The following UBTD1 variants were observed in gnomAD, a reference collection of about 807,000 sequenced individuals.
UBTD1 encodes the protein ubiquitin domain-containing protein 1.
In UBTD1, 19 loss-of-function variants were observed where a neutral mutation model predicts 21.7. That is an observed-to-expected ratio of 0.87 (90% CI 0.61 to 1.28). The LOEUF (loss-of-function observed/expected upper bound fraction) is 1.28, where lower values mean the gene tolerates loss of function less well. Among genes scored for constraint, UBTD1 ranks in the 50% most tolerant of loss-of-function variants. UBTD1 has a pLI of 0.00. For missense variants in UBTD1, 282 were observed against 315.1 expected (o/e 0.89, Z 0.80); for synonymous variants, 116 against 135.1 (o/e 0.86, Z 0.98).
intron 1 of UBTD1, among the ~76,000 whole-genome samples, chr10:97,561,587 A>G (rs1392870089): frequency 6.6e-6 from 1 of 152,146 alleles, no homozygotes; most frequent in Non-Finnish European, 1.5e-5. Context: ...GAGTTTCACG[A>G]TGTTCTTCTA....
intron 1 of UBTD1, among the ~76,000 whole-genome samples, chr10:97,561,567 A>C (rs1339291424): frequency 1.3e-5 from 2 of 152,164 alleles, no homozygotes; most frequent in East Asian, 3.9e-4. Flanking sequence ...GAGAAAGAGA[A>C]CAGGGCAGAG....
intron 1 of UBTD1, among the ~76,000 whole-genome samples, chr10:97,504,579 T>C (rs546343017): frequency 1.3e-5 from 2 of 152,344 alleles, no homozygotes; most frequent in South Asian, 4.1e-4. Context: ...CCTTTCCTGT[T>C]TTATTTTGTT....
chr10:97,560,694 G>T (rs943080144), intron 1 of UBTD1, among the ~76,000 whole-genome samples: 5 of 151,972 alleles, frequency 3.3e-5, no homozygotes, highest in Non-Finnish European at 7.4e-5. Context: ...AGTTTTCCTG[G>T]TGTCACAGTA....
intron 1 of UBTD1, among the ~76,000 whole-genome samples, chr10:97,536,269 G>A (rs1166193785): frequency 1.3e-5 from 2 of 152,176 alleles, no homozygotes; most frequent in Admixed American, 6.5e-5. Flanking sequence ...TGGGATTACA[G>A]GTGAGAGCCA....
chr10:97,516,752 CAGAGTGAGACTCTGTCTCAAAAAAAAAAA>C (rs1318101932), intron 1 of UBTD1, among the ~76,000 whole-genome samples: 1 of 151,606 alleles, frequency 6.6e-6, no homozygotes, highest in Non-Finnish European at 1.5e-5. Flanking sequence ...GCCTGGGCAA[CAGAGTGAGACTCTGTCTCAAAAAAAAAAA>C]AGAAACCCAT....
intron 1 of UBTD1, among the ~76,000 whole-genome samples, chr10:97,550,768 G>A (rs2040633402): frequency 6.6e-6 from 1 of 152,160 alleles, no homozygotes; most frequent in Admixed American, 6.5e-5. Flanking sequence ...CACACTCATA[G>A]ATGCACACCA....
Position 97,499,159 on chromosome 10 carries a change from C to G in UBTD1, c.-45C>G, listed in dbSNP as rs901171955. ...ACGCCGCCGTCCGCTGAGCAGCCGA[C>G]CACCCCGCCGCCTCCGGTGCATGGG... On this transcript the variant is annotated 5_prime_UTR_variant, in exon 1 of 3. Transcript: ENST00000370664. 6 of 1,503,506 alleles carry G rather than the reference C, an allele frequency of 4.0e-6. No individual in the cohort carries two copies. In the African/African-American group the frequency reaches 8.6e-5, roughly 22 times the overall value. The allele number at this position is 1,503,506 out of a possible 1,614,324, so 93.1% of individuals were successfully genotyped here.
At chr10:97,540,929 C>A (rs1040282283) in intron 1 of UBTD1, among the ~76,000 whole-genome samples, 3 of 152,176 alleles carry the variant, frequency 2.0e-5, no homozygotes, top group African/African-American at 7.2e-5. Flanking sequence ...GTCAGCTGGG[C>A]CTTGTGTCCT....
In UBTD1 at chr10:97,548,617, C is replaced by T. The variant is rs376582198; in HGVS notation, c.71-19297C>T. Among the ~76,000 whole-genome samples the T allele has an allele frequency of 1.7e-4, 26 of 152,192 alleles. No homozygotes were observed. The South Asian group carries it at 5.4e-3, about 32-fold the overall frequency. On this transcript the variant is annotated intron_variant, in intron 1 of 2. Transcript: ENST00000370664. ...TCAAGACCAGCCTGGCCCATCTCTA[C>T]TAAAAATACAAAAACTAGCCATGGT...
chr10:97,510,474 T>C (rs772914367), intron 1 of UBTD1, among the ~76,000 whole-genome samples: 3 of 152,230 alleles, frequency 2.0e-5, no homozygotes, highest in Non-Finnish European at 2.9e-5. Context: ...ATCTGTGAAA[T>C]GGAGATAACA....
At chr10:97,526,607 T>C (rs545978010) in intron 1 of UBTD1, among the ~76,000 whole-genome samples, 55 of 152,126 alleles carry the variant, frequency 3.6e-4, no homozygotes, top group African/African-American at 1.3e-3. Flanking sequence ...GAGTGAACAA[T>C]CAAAAATGCC....
intron 1 of UBTD1, among the ~76,000 whole-genome samples, chr10:97,565,922 C>T (rs1298151685): frequency 6.6e-6 from 1 of 152,044 alleles, no homozygotes; most frequent in Non-Finnish European, 1.5e-5. Context: ...CCATATTGCC[C>T]AGGCTGATCT....
intron 1 of UBTD1, among the ~76,000 whole-genome samples, chr10:97,539,668 AC>A (rs1284323188): frequency 6.6e-6 from 1 of 152,088 alleles, no homozygotes; most frequent in African/African-American, 2.4e-5. Flanking sequence ...AACAGGCCTC[AC>A]CTGCCTACTC....
chr10:97,535,501 G>T (rs2040555740), intron 1 of UBTD1, among the ~76,000 whole-genome samples: 1 of 152,258 alleles, frequency 6.6e-6, no homozygotes. Context: ...TGTAGTCCCA[G>T]CTACTCTGGA....
intron 1 of UBTD1, among the ~76,000 whole-genome samples, chr10:97,543,325 A>G (rs1269499286): frequency 6.6e-6 from 1 of 152,194 alleles, no homozygotes; most frequent in East Asian, 1.9e-4. Context: ...AGAGGAAGGG[A>G]TGAGTCAGGC....
rs553287349 is a variant in UBTD1 at position 97,514,559 on chromosome 10, G to A, written c.70+15286G>A. 3.7e-4 allele frequency among the ~76,000 whole-genome samples: 57 copies of A among 152,264 alleles called. No individual in the cohort carries two copies. The South Asian group carries it at 6.4e-3, about 17-fold the overall frequency. On this transcript the variant is annotated intron_variant, in intron 1 of 2. Transcript: ENST00000370664. ...AGGACAGCTCCACGTTGTTCAGGCC[G>A]GTTAGCATCGCCCTTCCGCTGATGC...
intron 1 of UBTD1, among the ~76,000 whole-genome samples, chr10:97,547,169 G>T (rs892627034): frequency 1.3e-5 from 2 of 152,198 alleles, no homozygotes; most frequent in African/African-American, 4.8e-5. Flanking sequence ...AGGCTGTGCC[G>T]TTCGCTTCTA....
intron 1 of UBTD1, among the ~76,000 whole-genome samples, chr10:97,564,457 C>T (rs116796879): frequency 0.016 from 2,377 of 152,280 alleles, 67 homozygotes; most frequent in African/African-American, 0.055. Context: ...AAATCTAGCA[C>T]CTGTTAAAGG....
At position 97,570,691 on chromosome 10, in the gene UBTD1, G is replaced by A. The variant is rs1207935924; in HGVS notation, c.*168G>A. ...AGGGCACTACGCGCCACCAGTTCCC[G>A]GTACCCAGGGAGCAGGCAGCCACAC... On this transcript the variant is annotated 3_prime_UTR_variant, in exon 3 of 3. Transcript: ENST00000370664. The surrounding 1 kb of genome is among the most constrained non-coding windows in gnomAD (Gnocchi z 6.6). 4.1e-5 allele frequency: 33 copies of A among 803,556 alleles called. No individual in the cohort carries two copies. The South Asian group carries it at 5.4e-4, about 13-fold the overall frequency. 49.8% of individuals were successfully genotyped at this position (803,556 alleles called of 1,614,324 possible).
Sources: allele counts gnomAD v4.1 joint callset (sites outside exome capture counted in the v4.1 genomes callset), GRCh38; gene constraint gnomAD v4.1.1; non-coding constraint Gnocchi (gnomAD v3.1); transcripts MANE v1.5; gene names NCBI Gene and HGNC (gene_info 2026-07-23, HGNC 2026-07-21).